AGBL4: variants seen among roughly 807,000 people sequenced by gnomAD.
The protein encoded by AGBL4 is cytosolic carboxypeptidase 6.
A neutral mutation model predicts 66.4 loss-of-function variants in AGBL4; 58 were observed. The observed-to-expected ratio is 0.87, with a 90% CI of 0.71 to 1.09. The LOEUF is 1.09. Among genes scored for constraint, AGBL4 ranks in the 50% least tolerant of loss-of-function variants. The probability of loss-of-function intolerance (pLI) is 0.00; values close to 1 mark genes in which losing one functional copy is unlikely to be tolerated. For missense variants in AGBL4, 579 were observed against 631.0 expected, an observed-to-expected ratio of 0.92 and a Z score of 0.88; for synonymous variants, 234 against 222.9, an observed-to-expected ratio of 1.05 and a Z score of -0.44.
At chr1:49,367,553 T>A (rs1021764347) in intron 3 of AGBL4, among the ~76,000 whole-genome samples, 1 of 152,154 alleles carries the variant, frequency 6.6e-6, no homozygotes, top group Non-Finnish European at 1.5e-5. Flanking sequence ...CCCTTTATAG[T>A]AACACAAAGT....
chr1:48,920,475 C>A (rs759643780), intron 5 of AGBL4, among the ~76,000 whole-genome samples: 16 of 152,090 alleles, frequency 1.1e-4, no homozygotes, highest in Non-Finnish European at 2.2e-4. Flanking sequence ...CTATCCATAC[C>A]TTGGAATTAT....
chr1:49,067,271 G>A (rs1571363355), intron 4 of AGBL4, among the ~76,000 whole-genome samples: 2 of 152,280 alleles, frequency 1.3e-5, no homozygotes, highest in East Asian at 3.9e-4. Flanking sequence ...ATGGAGCAAG[G>A]ATTTTGCATA....
At chr1:49,246,205 T>C (rs951337221) in intron 3 of AGBL4, among the ~76,000 whole-genome samples, 4 of 151,962 alleles carry the variant, frequency 2.6e-5, no homozygotes, top group African/African-American at 9.7e-5. Context: ...TGATGATAAT[T>C]AAATTAATAT....
intron 3 of AGBL4, among the ~76,000 whole-genome samples, chr1:49,323,831 A>G (rs1645176648): frequency 6.6e-6 from 1 of 151,874 alleles, no homozygotes; most frequent in Non-Finnish European, 1.5e-5. Flanking sequence ...CCAGTTCAAA[A>G]GATACCTATA....
At chr1:48,643,423 G>C (rs1645789077) in intron 8 of AGBL4, among the ~76,000 whole-genome samples, 1 of 152,100 alleles carries the variant, frequency 6.6e-6, no homozygotes, top group Admixed American at 6.5e-5. Flanking sequence ...AGCCACACCA[G>C]AGCACTTGGC....
intron 4 of AGBL4, among the ~76,000 whole-genome samples, chr1:49,142,905 A>G (rs1280022969): frequency 1.3e-5 from 2 of 152,188 alleles, no homozygotes; most frequent in African/African-American, 4.8e-5. Flanking sequence ...TTATAGGTGA[A>G]GGAACAGACT....
At chr1:49,892,549 C>T (rs1648760144) in intron 1 of AGBL4, among the ~76,000 whole-genome samples, 1 of 152,156 alleles carries the variant, frequency 6.6e-6, no homozygotes, top group South Asian at 2.1e-4. Flanking sequence ...AATACCAATG[C>T]TTTTTGCCAA....
At chr1:49,705,665 T>C (rs1647196529) in intron 2 of AGBL4, among the ~76,000 whole-genome samples, 1 of 152,222 alleles carries the variant, frequency 6.6e-6, no homozygotes, top group African/African-American at 2.4e-5. Flanking sequence ...CAGTATGATA[T>C]TGGCTGTGGG....
Position 49,529,197 on chromosome 1 carries a change from G to A in AGBL4, c.282+168116C>T, listed in dbSNP as rs542341443. ...ATAGGTAAAAGCCTGAAATAAGACCGTGGTGATAAATTTGAAGAGTAGGAA... is the reference window on the plus strand; with the variant it reads ...ATAGGTAAAAGCCTGAAATAAGACCATGGTGATAAATTTGAAGAGTAGGAA... On this transcript the variant is annotated intron_variant, in intron 3 of 13. Transcript: ENST00000371839. 1.5e-4 allele frequency among the ~76,000 whole-genome samples: 23 copies of A among 152,228 alleles called. No individual in the cohort carries two copies. In the South Asian group the frequency reaches 2.3e-3, roughly 15 times the overall value.
chr1:49,149,561 C>A (rs925030023), intron 4 of AGBL4, among the ~76,000 whole-genome samples: 8 of 152,284 alleles, frequency 5.3e-5, no homozygotes, highest in African/African-American at 1.9e-4. Flanking sequence ...TGTTAATCTA[C>A]GTTTATGCTA....
chr1:49,351,200 A>C (rs1346283035), intron 3 of AGBL4, among the ~76,000 whole-genome samples: 3 of 152,098 alleles, frequency 2.0e-5, no homozygotes, highest in Non-Finnish European at 4.4e-5. Flanking sequence ...TTTTCCCCCG[A>C]ATTTTACAAT....
chr1:49,428,685 A>C (rs1645718679), intron 3 of AGBL4, among the ~76,000 whole-genome samples: 1 of 152,224 alleles, frequency 6.6e-6, no homozygotes, highest in Admixed American at 6.5e-5. Context: ...CTCTACCATC[A>C]GGTCAGTAGT....
At chr1:48,646,513 A>ATGTGTGTGTGTGTG (rs61233999) in intron 8 of AGBL4, among the ~76,000 whole-genome samples, 1,899 of 131,484 alleles carry the variant, frequency 0.014, 46 homozygotes, top group Middle Eastern at 0.023. Flanking sequence ...ACCAGTTATA[A>ATGTGTGTGTGTGTG]TGTGTGTGTG....
At chr1:49,564,405 C>T (rs1481912108) in intron 3 of AGBL4, among the ~76,000 whole-genome samples, 1 of 151,816 alleles carries the variant, frequency 6.6e-6, no homozygotes, top group Non-Finnish European at 1.5e-5. Flanking sequence ...TGTTAGGGTG[C>T]CAATTTTAGA....
At chr1:49,159,789 C>T (rs1211785360) in intron 4 of AGBL4, among the ~76,000 whole-genome samples, 1 of 152,130 alleles carries the variant, frequency 6.6e-6, no homozygotes, top group East Asian at 1.9e-4. Context: ...CTAATCTTGT[C>T]TTCATGCTTT....
At chr1:48,832,561 C>T (rs1160606210) in intron 6 of AGBL4, among the ~76,000 whole-genome samples, 1 of 152,096 alleles carries the variant, frequency 6.6e-6, no homozygotes, top group Non-Finnish European at 1.5e-5. Context: ...CAAAGAGGAC[C>T]TCAAATTATT....
At chr1:49,649,219 A>T (rs1645952909) in intron 3 of AGBL4, among the ~76,000 whole-genome samples, 1 of 152,198 alleles carries the variant, frequency 6.6e-6, no homozygotes, top group South Asian at 2.1e-4. Context: ...TGTCATCTAT[A>T]ATAAACCAAC....
intron 3 of AGBL4, among the ~76,000 whole-genome samples, chr1:49,272,913 A>G (rs2148389816): frequency 6.6e-6 from 1 of 152,314 alleles, no homozygotes; most frequent in Admixed American, 6.5e-5. Flanking sequence ...GTAAAATAAA[A>G]TACATCTTAA....
At chr1:49,397,582 C>T (rs576169809) in intron 3 of AGBL4, among the ~76,000 whole-genome samples, 17 of 152,190 alleles carry the variant, frequency 1.1e-4, no homozygotes, top group African/African-American at 3.9e-4. Flanking sequence ...AGAATTGAAT[C>T]AGAAGAGTAT....
Sources: gnomAD v4.1 joint callset for allele counts (sites outside exome capture counted in the v4.1 genomes callset) on GRCh38, gnomAD v4.1.1 for gene constraint, MANE v1.5 for transcripts, NCBI Gene and HGNC (gene_info 2026-07-23, HGNC 2026-07-21) for gene names.